The following TM6SF2 variants were observed in gnomAD, a reference collection of about 807,000 sequenced individuals.
TM6SF2 encodes the protein transmembrane 6 superfamily member 2.
A neutral mutation model predicts 41.0 loss-of-function variants in TM6SF2; 29 were observed. The ratio of observed to expected loss-of-function variants is 0.71; its 90% confidence interval spans 0.53 to 0.96. The LOEUF (loss-of-function observed/expected upper bound fraction) is 0.96, where lower values mean the gene tolerates loss of function less well. TM6SF2 is among the 50% of genes least tolerant of loss of function. TM6SF2 has a pLI of 0.00. For missense variants in TM6SF2, 475 were observed against 499.0 expected (o/e 0.95, Z 0.46); for synonymous variants, 200 against 209.1 (o/e 0.96, Z 0.37).
At chr19:19,266,865 C>T in intron 8 of TM6SF2, 1 of 420,840 alleles carries the variant, frequency 2.4e-6, no homozygotes, top group East Asian at 4.9e-5. Flanking sequence ...GCATTCCAGC[C>T]CCCTGTCCAT....
At chr19:19,268,517 T>G in intron 6 of TM6SF2, 113 bp downstream of exon 6, 1 of 1,435,640 alleles carries the variant, frequency 7.0e-7, no homozygotes, top group African/African-American at 1.5e-5. Flanking sequence ...CCTCCCTTCT[T>G]TCTTGTGACA....
In TM6SF2 at chr19:19,269,918, G is replaced by A. The variant is rs2061016794; in HGVS notation, c.402-149C>T. ...AAGGGACAACAGGGAGTTGAACGGG[G>A]AAATAACAGTGAGACCCTCTGTCCA... On this transcript the variant is annotated intron_variant, in intron 4 of 9. Transcript: ENST00000389363. 2.6e-6 allele frequency: 4 copies of A among 1,520,430 alleles called. No homozygotes were observed. The Admixed American group carries it at 8.6e-5, about 33-fold the overall frequency. The allele number at this position is 1,520,430 out of a possible 1,614,324, so 94.2% of individuals were successfully genotyped here.
At chr19:19,267,098 G>A (rs917692268) in intron 8 of TM6SF2, among the ~76,000 whole-genome samples, 13 of 152,342 alleles carry the variant, frequency 8.5e-5, no homozygotes, top group African/African-American at 3.1e-4. Flanking sequence ...GCCGGGCATG[G>A]TGGCTCATGC....
At chr19:19,269,514 A>G (rs1483371669) in intron 5 of TM6SF2, among the ~76,000 whole-genome samples, 173 bp downstream of exon 5, 3 of 152,166 alleles carry the variant, frequency 2.0e-5, no homozygotes, top group African/African-American at 2.4e-5. Context: ...TTCCAAGAGG[A>G]AACAGGGACC....
chr19:19,266,001 A>G (rs911839910), intron 9 of TM6SF2, among the ~76,000 whole-genome samples: 3 of 152,086 alleles, frequency 2.0e-5, no homozygotes, highest in Non-Finnish European at 4.4e-5. Flanking sequence ...CCTAGCTCTG[A>G]CTGGGCCCCT....
intron 1 of TM6SF2, among the ~76,000 whole-genome samples, chr19:19,271,654 C>T (rs1413453367): frequency 2.6e-5 from 4 of 152,066 alleles, no homozygotes; most frequent in Non-Finnish European, 5.9e-5. Flanking sequence ...CCTCAGCCTC[C>T]CAAGTAGCTG....
At chr19:19,270,144 A>C in intron 4 of TM6SF2, 29 bp downstream of exon 4, 1 of 1,613,112 alleles carries the variant, frequency 6.2e-7, no homozygotes, top group African/African-American at 1.3e-5. Flanking sequence ...TCCCAGGGTC[A>C]GGGGCCACCC....
chr19:19,266,037 C>T (rs1233946048), intron 9 of TM6SF2, among the ~76,000 whole-genome samples: 1 of 152,136 alleles, frequency 6.6e-6, no homozygotes, highest in Non-Finnish European at 1.5e-5. Context: ...TCCTCAAACG[C>T]CCCATCACCC....
chr19:19,268,366 T>C (rs1221717703), intron 6 of TM6SF2, among the ~76,000 whole-genome samples: 2 of 151,864 alleles, frequency 1.3e-5, no homozygotes, highest in African/African-American at 2.4e-5. Flanking sequence ...CCACCACATC[T>C]GGCTAATTTT....
chr19:19,265,555 A>C (rs549048702), intron 9 of TM6SF2, among the ~76,000 whole-genome samples: 2 of 152,198 alleles, frequency 1.3e-5, no homozygotes, highest in Admixed American at 1.3e-4. Context: ...AGTAGCTAGC[A>C]CAGCAGGCAC....
Position 19,271,119 on chromosome 19 carries a change from CA to C in TM6SF2, c.101del (p.Leu34ArgfsTer5), listed in dbSNP as rs778373253. On this transcript the variant is annotated frameshift_variant, in exon 2 of 10. Transcript: ENST00000389363. LOFTEE classifies it high-confidence loss of function. Reference sequence around the variant, plus strand: ...TTAGGGCGCTCATCAATGCCACCCACAGGGGGCTGTGGAGAGGGAAGCCAAG... The same window carrying C: ...TTAGGGCGCTCATCAATGCCACCCACGGGGGCTGTGGAGAGGGAAGCCAAG... ...LNHVSALSHPLWVALMSALIL... is the reference protein window; with the variant it reads ...LNHVSALSHPXWVALMSALIL... 1.3e-5 allele frequency: 21 copies of C among 1,614,020 alleles called. No individual in the cohort carries two copies. The African/African-American group carries it at 1.7e-4, about 13-fold the overall frequency.
chr19:19,272,728 TGA>T (rs570095261), intron 1 of TM6SF2, among the ~76,000 whole-genome samples: 1 of 149,720 alleles, frequency 6.7e-6, no homozygotes, highest in Non-Finnish European at 1.5e-5. Context: ...TGTGTGTGTG[TGA>T]GCAGGAGTCA....
chr19:19,270,373 A>G lies in TM6SF2; in HGVS notation c.269T>C (p.Val90Ala), dbSNP rs201830619. Reference sequence around the variant, plus strand: ...CTTGGTGTAGAACTCCATGAAGCCCACCACATAGCTGTCTTCCTGAAGAGC... The same window carrying G: ...CTTGGTGTAGAACTCCATGAAGCCCGCCACATAGCTGTCTTCCTGAAGAGC... ...IIALQEDSYV[V>A]GFMEFYTKEG... Residue 90 changes from valine (V) to alanine (A), a missense_variant, in exon 3 of 10, where the codon GTG (valine) becomes GCG (alanine). Val to Ala is a moderately conservative substitution (Grantham distance 64). Coordinates refer to ENST00000389363, the MANE Select transcript of TM6SF2 (RefSeq NM_001001524.3). 126 of 1,613,160 alleles carry G rather than the reference A, an allele frequency of 7.8e-5. No homozygotes were observed. In the African/African-American group the frequency reaches 1.6e-3, roughly 21 times the overall value.
chr19:19,268,054 G>C lies in TM6SF2; in HGVS notation c.643C>G (p.Arg215Gly), dbSNP rs1216984470. 2 of 1,613,894 alleles carry C rather than the reference G, an allele frequency of 1.2e-6. No individual in the cohort carries two copies. Among genetic ancestry groups the C allele is most frequent in the African/African-American group, 2.7e-5 (2 of 74,900 alleles). The change falls in exon 7 of 10, where the codon CGT (arginine) becomes GGT (glycine). Residue 215 changes from arginine to glycine, a missense_variant. Coordinates refer to ENST00000389363, the MANE Select transcript of TM6SF2 (RefSeq NM_001001524.3). ...ATGACAAGGGCCAGGTCAGCCGGAC[G>C]CTGCAGGAGTCCCTTTCTTTGTTCC... ...QEEQRKGLLQ[R>G]PADLALVIYL...
chr19:19,272,276 G>A (rs2061026634), intron 1 of TM6SF2, among the ~76,000 whole-genome samples: 1 of 152,142 alleles, frequency 6.6e-6, no homozygotes, highest in African/African-American at 2.4e-5. Flanking sequence ...ATCTAACAAT[G>A]ACATTATAGT....
At chr19:19,267,505 T>C (rs1436135642) in intron 8 of TM6SF2, 116 bp downstream of exon 8, 2 of 723,424 alleles carry the variant, frequency 2.8e-6, no homozygotes, top group Non-Finnish European at 4.5e-6. Context: ...GGTAGGACAG[T>C]AAATTCCATA....
In TM6SF2 at chr19:19,271,116, C is replaced by T. The variant is rs1272943322; in HGVS notation, c.105G>A (p.Trp35Ter). ...GGATTAGGGCGCTCATCAATGCCAC[C>T]CACAGGGGGCTGTGGAGAGGGAAGC... The part of the protein sequence containing the change: ...NHVSALSHPL[W>*]VALMSALILG... The change falls in exon 2 of 10, where the codon TGG becomes TGA. Residue 35 changes from tryptophan (W) to a stop codon, truncating the protein, a stop_gained. Transcript: ENST00000389363. LOFTEE classifies it high-confidence loss of function. The T allele has an allele frequency of 2.2e-5, 35 of 1,614,036 alleles. No homozygotes were observed. The highest frequency in any genetic ancestry group is 2.6e-5 in the Non-Finnish European group (31 of 1,179,992).
intron 8 of TM6SF2, 107 bp downstream of exon 8, chr19:19,267,514 T>A: frequency 2.6e-6 from 2 of 782,042 alleles, no homozygotes; most frequent in Non-Finnish European, 4.1e-6. Context: ...GTAAATTCCA[T>A]ATGGGCTTCT....
Position 19,267,977 on chromosome 19 carries a change from C to A in TM6SF2, c.711+9G>T. 1 of 1,561,176 alleles carries A rather than the reference C, an allele frequency of 6.4e-7. No homozygotes were observed. Among genetic ancestry groups the A allele is most frequent in the South Asian group, 1.1e-5 (1 of 88,412 alleles). On this transcript the variant is annotated intron_variant, in intron 7 of 9. Coordinates refer to ENST00000389363, the MANE Select transcript of TM6SF2 (RefSeq NM_001001524.3). Reference sequence around the variant, plus strand: ...CAGGGGAGGGGGAGACCAACCAGCGCAGACTCACCAGGCCCCGGAACAGAG... The same window carrying A: ...CAGGGGAGGGGGAGACCAACCAGCGAAGACTCACCAGGCCCCGGAACAGAG...
Sources: gnomAD v4.1 joint callset for allele counts (sites outside exome capture counted in the v4.1 genomes callset) on GRCh38, gnomAD v4.1.1 for gene constraint, MANE v1.5 for transcripts, NCBI Gene and HGNC (gene_info 2026-07-23, HGNC 2026-07-21) for gene names.